TBCK: variants seen among roughly 807,000 people sequenced by gnomAD.
TBCK encodes TBC1 domain containing kinase.
A neutral mutation model predicts 113.4 loss-of-function variants in TBCK; 99 were observed. That is an observed-to-expected ratio of 0.87 (90% CI 0.74 to 1.03). The LOEUF is 1.03. Ranked by LOEUF, TBCK falls within the 50% of genes least tolerant of loss-of-function variation. The pLI is 0.00. For missense variants in TBCK, 1,045 were observed against 1,061.3 expected (o/e 0.98, Z 0.21); for synonymous variants, 369 against 370.8 (o/e 1.00, Z 0.05).
chr4:106,073,079 C>A (rs1008262050), intron 25 of TBCK, among the ~76,000 whole-genome samples: 1 of 152,104 alleles, frequency 6.6e-6, no homozygotes, highest in Non-Finnish European at 1.5e-5. Context: ...TTATTATTGA[C>A]CTTCTGAAGG....
intron 14 of TBCK, among the ~76,000 whole-genome samples, chr4:106,235,906 C>CA (rs1219853809): frequency 1.3e-5 from 2 of 151,998 alleles, no homozygotes; most frequent in Non-Finnish European, 2.9e-5. Flanking sequence ...AATTGTTTTA[C>CA]AAAATGTTTC....
chr4:106,076,622 C>G (rs186059471), intron 25 of TBCK, among the ~76,000 whole-genome samples: 1 of 152,070 alleles, frequency 6.6e-6, no homozygotes, highest in Non-Finnish European at 1.5e-5. Flanking sequence ...TAGAGAGAAG[C>G]GGCGGGTCAC....
intron 3 of TBCK, among the ~76,000 whole-genome samples, chr4:106,288,259 C>T (rs140163336): frequency 0.015 from 2,348 of 152,048 alleles, 32 homozygotes; most frequent in Middle Eastern, 0.031. Flanking sequence ...CCAGGCATGG[C>T]GGTGTATGCC....
At chr4:106,087,544 C>A (rs1264669478) in intron 25 of TBCK, among the ~76,000 whole-genome samples, 1 of 152,214 alleles carries the variant, frequency 6.6e-6, no homozygotes, top group South Asian at 2.1e-4. Flanking sequence ...TCCCATCACA[C>A]TACCAGTGAC....
At chr4:106,200,593 T>C (rs1013570553) in intron 20 of TBCK, among the ~76,000 whole-genome samples, 6 of 152,058 alleles carry the variant, frequency 3.9e-5, no homozygotes, top group East Asian at 1.9e-4. Flanking sequence ...ATAACATCCA[T>C]ACCTCTGCTT....
intron 25 of TBCK, among the ~76,000 whole-genome samples, chr4:106,050,904 G>A (rs1248292924): frequency 6.6e-6 from 1 of 151,920 alleles, no homozygotes. Flanking sequence ...ATCTGGTGCT[G>A]GAATTCATTT....
chr4:106,206,277 G>A (rs1314349869), intron 20 of TBCK, among the ~76,000 whole-genome samples: 4 of 152,158 alleles, frequency 2.6e-5, no homozygotes, highest in African/African-American at 9.7e-5. Context: ...TGGAAAACTT[G>A]CTAGATATTT....
intron 2 of TBCK, among the ~76,000 whole-genome samples, chr4:106,305,177 T>G (rs1767382614): frequency 6.6e-6 from 1 of 152,168 alleles, no homozygotes. Context: ...CCTTGATTAT[T>G]TTTCTTTCAT....
At chr4:106,211,002 G>A (rs1046515466) in intron 20 of TBCK, among the ~76,000 whole-genome samples, 1 of 151,904 alleles carries the variant, frequency 6.6e-6, no homozygotes, top group Non-Finnish European at 1.5e-5. Flanking sequence ...TTGCTATGTT[G>A]TTTTGGTCTC....
intron 23 of TBCK, among the ~76,000 whole-genome samples, chr4:106,149,813 G>A (rs1031395368): frequency 2.6e-5 from 4 of 152,186 alleles, no homozygotes; most frequent in Non-Finnish European, 5.9e-5. Flanking sequence ...CTTTTAATTT[G>A]TATAAAACAG....
rs529211472 is a variant in TBCK at position 106,208,727 on chromosome 4, C to T, written c.1860+4023G>A. Among the ~76,000 whole-genome samples, 4 of 152,274 alleles carry T rather than the reference C, an allele frequency of 2.6e-5. No homozygotes were observed. In the South Asian group the frequency reaches 8.3e-4, roughly 32 times the overall value. Reference sequence around the variant, plus strand: ...CAAACAAAGCTGTAACCCTGTAGCACACCCCTCCTGCTTGCCAAACAATGG... The same window carrying T: ...CAAACAAAGCTGTAACCCTGTAGCATACCCCTCCTGCTTGCCAAACAATGG... On this transcript the variant is annotated intron_variant, in intron 20 of 25. Transcript: ENST00000394708.
chr4:106,202,480 T>C (rs1219039507), intron 20 of TBCK, among the ~76,000 whole-genome samples: 10 of 152,002 alleles, frequency 6.6e-5, no homozygotes, highest in Non-Finnish European at 1.5e-5. Flanking sequence ...ACACCATCAT[T>C]ATAGATTTTT....
At chr4:106,302,280 C>T (rs144055671) in intron 2 of TBCK, among the ~76,000 whole-genome samples, 5 of 152,074 alleles carry the variant, frequency 3.3e-5, no homozygotes, top group Non-Finnish European at 5.9e-5. Flanking sequence ...ACAGGGCTAA[C>T]GGGACTAACC....
intron 2 of TBCK, among the ~76,000 whole-genome samples, chr4:106,296,976 T>C (rs901553424): frequency 6.6e-6 from 1 of 151,914 alleles, no homozygotes; most frequent in South Asian, 2.1e-4. Flanking sequence ...GGCAACATTA[T>C]CAGAAAACCA....
intron 19 of TBCK, among the ~76,000 whole-genome samples, chr4:106,216,552 A>G (rs1756951743): frequency 1.3e-5 from 2 of 152,072 alleles, no homozygotes; most frequent in Non-Finnish European, 2.9e-5. Flanking sequence ...CCGATCCCAC[A>G]GAAATACAAA....
Position 106,233,032 on chromosome 4 carries a change from G to A in TBCK, c.1545C>T (p.Tyr515=), listed in dbSNP as rs779199697. 8.1e-6 allele frequency: 13 copies of A among 1,611,316 alleles called. No homozygotes were observed. Among genetic ancestry groups the A allele is most frequent in the South Asian group, 2.2e-5 (2 of 90,960 alleles). The change falls in exon 17 of 26, where the codon TAC becomes TAT. Residue 515 remains tyrosine (Y), a synonymous_variant. Transcript: ENST00000394708. ...IEVDIPRCHQ[Y]DELLSSPEGH... ...CTTCTGGTGATGATAACAGTTCATCGTACTGATGACAGCGAGGAATATCCA... is the reference window on the plus strand; with the variant it reads ...CTTCTGGTGATGATAACAGTTCATCATACTGATGACAGCGAGGAATATCCA...
intron 23 of TBCK, among the ~76,000 whole-genome samples, chr4:106,117,738 G>A (rs56267034): frequency 0.014 from 2,086 of 152,186 alleles, 54 homozygotes; most frequent in African/African-American, 0.047. Context: ...GGCTGGGCGC[G>A]GTGGCTCACA....
intron 19 of TBCK, among the ~76,000 whole-genome samples, chr4:106,216,469 G>C (rs1398283682): frequency 6.6e-6 from 1 of 152,016 alleles, no homozygotes; most frequent in Non-Finnish European, 1.5e-5. Context: ...TAGACCGCTA[G>C]CAAGAATAAT....
intron 11 of TBCK, among the ~76,000 whole-genome samples, chr4:106,244,270 A>G (rs936570255): frequency 6.6e-6 from 1 of 152,176 alleles, no homozygotes; most frequent in Admixed American, 6.6e-5. Context: ...TAGTAGGAAC[A>G]TTAAGCTAGT....
Sources: allele counts gnomAD v4.1 joint callset (sites outside exome capture counted in the v4.1 genomes callset), GRCh38; gene constraint gnomAD v4.1.1; transcripts MANE v1.5; gene names NCBI Gene and HGNC (gene_info 2026-07-23, HGNC 2026-07-21).